DOCK3: variants seen among roughly 807,000 people sequenced by gnomAD.
The protein encoded by DOCK3 is dedicator of cytokinesis 3.
DOCK3 carries 60 observed loss-of-function variants against 265.6 expected under a neutral mutation model. That is an observed-to-expected ratio of 0.23 (90% CI 0.18 to 0.28). The LOEUF is 0.28. DOCK3 is among the 10% of genes least tolerant of loss of function. DOCK3 has a pLI of 1.00. For missense variants in DOCK3, 1,981 were observed against 2,594.3 expected (o/e 0.76, Z 5.14); for synonymous variants, 881 against 938.0 (o/e 0.94, Z 1.11).
At chr3:50,711,092 C>CA (rs923106472) in intron 1 of DOCK3, among the ~76,000 whole-genome samples, 17 of 152,180 alleles carry the variant, frequency 1.1e-4, no homozygotes, top group Middle Eastern at 3.4e-3. Flanking sequence ...ACCTGTTTCC[C>CA]AAAAACTATT....
At chr3:51,205,717 G>A (rs2089164999) in intron 12 of DOCK3, among the ~76,000 whole-genome samples, 1 of 152,016 alleles carries the variant, frequency 6.6e-6, no homozygotes, top group South Asian at 2.1e-4. Context: ...TTAATAGATA[G>A]ATAGAAAGAA....
chr3:51,092,673 A>G (rs2082682679), intron 9 of DOCK3, among the ~76,000 whole-genome samples: 1 of 152,136 alleles, frequency 6.6e-6, no homozygotes, highest in South Asian at 2.1e-4. Context: ...TAAGGGTCAG[A>G]CTGCCTCCTC....
chr3:51,119,860 C>T (rs989531291), intron 9 of DOCK3, among the ~76,000 whole-genome samples: 1 of 151,938 alleles, frequency 6.6e-6, no homozygotes, highest in African/African-American at 2.4e-5. Flanking sequence ...TTAGCAATTC[C>T]TCTAACCTTT....
intron 23 of DOCK3, among the ~76,000 whole-genome samples, chr3:51,268,102 G>A (rs2080298906): frequency 6.6e-6 from 1 of 152,050 alleles, no homozygotes; most frequent in South Asian, 2.1e-4. Flanking sequence ...TAACAAACCT[G>A]CACATTCTGC....
At chr3:51,226,255 C>T (rs2090321165) in intron 15 of DOCK3, among the ~76,000 whole-genome samples, 2 of 152,180 alleles carry the variant, frequency 1.3e-5, no homozygotes, top group Admixed American at 1.3e-4. Flanking sequence ...CAATGTAGTA[C>T]AAGTGTCCTC....
intron 1 of DOCK3, among the ~76,000 whole-genome samples, chr3:50,769,153 G>A (rs930680883): frequency 6.6e-5 from 10 of 151,558 alleles, no homozygotes; most frequent in Admixed American, 5.9e-4. Flanking sequence ...ATAGTTTGCA[G>A]ATATTTTTTT....
At chr3:51,151,348 C>T (rs965691428) in intron 10 of DOCK3, among the ~76,000 whole-genome samples, 3 of 151,906 alleles carry the variant, frequency 2.0e-5, no homozygotes, top group South Asian at 4.2e-4. Context: ...CCTGAGGGAC[C>T]TGACTGTTAA....
intron 5 of DOCK3, among the ~76,000 whole-genome samples, chr3:50,959,162 A>G (rs1334288901): frequency 6.6e-6 from 1 of 152,138 alleles, no homozygotes; most frequent in Non-Finnish European, 1.5e-5. Flanking sequence ...TACTGTGCAG[A>G]CTTTTGCATC....
chr3:50,860,683 A>C (rs1311293833), intron 3 of DOCK3, among the ~76,000 whole-genome samples: 1 of 152,186 alleles, frequency 6.6e-6, no homozygotes, highest in Non-Finnish European at 1.5e-5. Context: ...CAGAGACTCC[A>C]AAGCCCAAAG....
chr3:51,011,453 C>T (rs1171879822), intron 5 of DOCK3, among the ~76,000 whole-genome samples: 2 of 152,126 alleles, frequency 1.3e-5, no homozygotes, highest in African/African-American at 2.4e-5. Context: ...CATAGTTTTC[C>T]TGCCATGGTT....
chr3:50,999,455 A>G, intron 5 of DOCK3, among the ~76,000 whole-genome samples: 1 of 152,286 alleles, frequency 6.6e-6, no homozygotes, highest in East Asian at 1.9e-4. Context: ...ATAGAAACCT[A>G]GTTATTTACC....
intron 1 of DOCK3, among the ~76,000 whole-genome samples, chr3:50,773,656 T>G (rs943138431): frequency 2.0e-4 from 31 of 152,190 alleles, no homozygotes; most frequent in African/African-American, 6.5e-4. Context: ...TGCAATTCAT[T>G]GTAGTTTTAT....
intron 5 of DOCK3, among the ~76,000 whole-genome samples, chr3:50,965,745 G>A (rs2077008085): frequency 1.3e-5 from 2 of 152,122 alleles, no homozygotes; most frequent in South Asian, 2.1e-4. Context: ...ATCTGTGCAG[G>A]TTCTTCCTGA....
In DOCK3 at chr3:50,866,337, T is replaced by A. The variant is rs141166124; in HGVS notation, c.163-23689T>A. ...CCGTCTCTACTAAAAATACGAAAAT[T>A]AGCTGGGCGTGGTGGCATGTGCCTG... On this transcript the variant is annotated intron_variant, in intron 3 of 52. Transcript: ENST00000266037. Among the ~76,000 whole-genome samples the A allele has an allele frequency of 2.5e-3, 384 of 152,112 alleles. 3 individuals are homozygous for A. The highest frequency in any genetic ancestry group is 8.9e-3 in the African/African-American group (368 of 41,506).
chr3:50,895,028 G>A (rs2048826142), intron 4 of DOCK3, among the ~76,000 whole-genome samples: 1 of 151,942 alleles, frequency 6.6e-6, no homozygotes, highest in Admixed American at 6.6e-5. Context: ...TAATGTTAAA[G>A]GTGTAATTTC....
intron 3 of DOCK3, among the ~76,000 whole-genome samples, chr3:50,867,150 C>G (rs1195058716): frequency 6.6e-6 from 1 of 152,090 alleles, no homozygotes; most frequent in Non-Finnish European, 1.5e-5. Context: ...TCTTTCACTT[C>G]TTTGGTTACC....
rs894430937 is a variant in DOCK3 at position 51,278,550 on chromosome 3, G to T, written c.2823+796G>T. On this transcript the variant is annotated intron_variant, in intron 26 of 52. Coordinates refer to ENST00000266037, the MANE Select transcript of DOCK3 (RefSeq NM_004947.5). ...GCAGGTATGTGTTCTGGAGCACTGG[G>T]CTTGGAAAGAGTGTCTGCTCCTTTA... 3.0e-6 allele frequency: 3 copies of T among 985,218 alleles called. No homozygotes were observed. In the African/African-American group the frequency reaches 5.2e-5, roughly 17 times the overall value. The allele number at this position is 985,218 out of a possible 1,614,324, so 61.0% of individuals were successfully genotyped here.
chr3:50,837,757 C>A lies in DOCK3; in HGVS notation c.122-3918C>A, dbSNP rs1390500137. Among the ~76,000 whole-genome samples, 5 of 152,154 alleles carry A rather than the reference C, an allele frequency of 3.3e-5. No homozygotes were observed. In the East Asian group the frequency reaches 9.7e-4, roughly 29 times the overall value. On this transcript the variant is annotated intron_variant, in intron 2 of 52. Transcript: ENST00000266037. ...GAACAGATGGATATGAGGAAGCAATCCTGAGATACTCTGGGTGGAAGGGGT... is the reference window on the plus strand; with the variant it reads ...GAACAGATGGATATGAGGAAGCAATACTGAGATACTCTGGGTGGAAGGGGT...
At position 50,882,690 on chromosome 3, in the gene DOCK3, A is replaced by G. The variant is rs112612873; in HGVS notation, c.163-7336A>G. Among the ~76,000 whole-genome samples the G allele has an allele frequency of 4.6e-5, 7 of 152,346 alleles. 2 individuals carry two copies. The highest frequency in any genetic ancestry group is 1.7e-4 in the African/African-American group (7 of 41,578). ...GGTGGGACTGTAAACTAGTTCAACC[A>G]TTGTGGAAGACAGTGTGGAGATTCC... On this transcript the variant is annotated intron_variant, in intron 3 of 52. Transcript: ENST00000266037.
Sources: gnomAD v4.1 joint callset for allele counts (sites outside exome capture counted in the v4.1 genomes callset) on GRCh38, gnomAD v4.1.1 for gene constraint, MANE v1.5 for transcripts, NCBI Gene and HGNC (gene_info 2026-07-23, HGNC 2026-07-21) for gene names.